The following RARS2 variants were observed in gnomAD, a reference collection of about 807,000 sequenced individuals.
RARS2 encodes probable arginine--tRNA ligase, mitochondrial.
Under a neutral mutation model 88.5 loss-of-function variants are expected in RARS2, and 67 were observed. The ratio of observed to expected loss-of-function variants is 0.76; its 90% CI spans 0.62 to 0.93. The LOEUF (loss-of-function observed/expected upper bound fraction) is 0.93. Ranked by LOEUF, RARS2 falls within the 40% of genes least tolerant of loss-of-function variation. The probability of loss-of-function intolerance (pLI) is 0.00; values close to 1 mark genes in which losing one functional copy is unlikely to be tolerated. For synonymous variants in RARS2, 239 were observed against 230.3 expected (o/e 1.04, Z -0.34); for missense variants, 664 against 684.2 (o/e 0.97, Z 0.33).
Position 87,564,181 on chromosome 6 carries a change from A to G in RARS2, c.162T>C (p.Asn54=), listed in dbSNP as rs766493153. ...LSVDSLLEKD[N]DHSRPDIQVQ... The stretch of plus-strand genomic sequence containing the variant: ...CTTGAATATCTGGTCTTGAATGGTC[A>G]TTGTCTTTTTCCAATAAAGAATCCA... The change falls in exon 3 of 20, where the codon AAT becomes AAC. Residue 54 remains asparagine (N), a synonymous_variant. Transcript: ENST00000369536. The G allele has an allele frequency of 1.2e-6, 2 of 1,613,854 alleles. No individual in the cohort carries two copies. Among genetic ancestry groups the G allele is most frequent in the South Asian group, 1.1e-5 (1 of 91,084 alleles).
Position 87,569,911 on chromosome 6 carries a change from T to C in RARS2, c.37-321A>G, listed in dbSNP as rs186592354. On this transcript the variant is annotated intron_variant, in intron 1 of 19. Transcript: ENST00000369536. ...CGTAAATTAAAAAAAAAAAAAAGTA[T>C]GGCAAGAGAGGAGATAAACCACTGA... Among the ~76,000 whole-genome samples, 369 of 149,164 alleles carry C rather than the reference T, an allele frequency of 2.5e-3. 1 individual carries two copies. The highest frequency in any genetic ancestry group is 8.8e-3 in the African/African-American group (357 of 40,612).
At chr6:87,579,914 T>C (rs1325232012) in intron 1 of RARS2, among the ~76,000 whole-genome samples, 1 of 151,840 alleles carries the variant, frequency 6.6e-6, no homozygotes, top group Non-Finnish European at 1.5e-5. Context: ...AGCTAATTTT[T>C]GTATTTTTAG....
rs1251882908 is a variant in RARS2, at chr6:87,524,551, A to G, written c.974+6T>C. 4.4e-6 allele frequency: 7 copies of G among 1,595,636 alleles called. No individual in the cohort carries two copies. In the African/African-American group the frequency reaches 6.7e-5, roughly 15 times the overall value. On this transcript the variant is annotated splice_donor_region_variant and intron_variant, in intron 11 of 19. Coordinates refer to ENST00000369536, the MANE Select transcript of RARS2 (RefSeq NM_020320.5). ...CCAAATGTTGACCCTCACAGAGGCT[A>G]CAAACCTGGTTGCATAGAGAGAAGT...
At chr6:87,515,235 G>T (rs1383616484) in intron 18 of RARS2, among the ~76,000 whole-genome samples, 2 of 152,182 alleles carry the variant, frequency 1.3e-5, no homozygotes, top group East Asian at 3.9e-4. Flanking sequence ...TTAAGATTAT[G>T]ATTTCGCAGG....
chr6:87,540,929 G>A (rs1780736800), intron 8 of RARS2, among the ~76,000 whole-genome samples: 2 of 151,972 alleles, frequency 1.3e-5, no homozygotes, highest in African/African-American at 4.8e-5. Flanking sequence ...TAGACATGCT[G>A]TCCCCCACAC....
chr6:87,522,069 G>A (rs1774048974), intron 11 of RARS2, among the ~76,000 whole-genome samples: 2 of 152,146 alleles, frequency 1.3e-5, no homozygotes, highest in Non-Finnish European at 1.5e-5. Flanking sequence ...GGCGGCTCAC[G>A]CCTGTAATCC....
In RARS2 at chr6:87,564,935, G is replaced by A. The variant is rs369081492; in HGVS notation, c.111-703C>T. ...TAGCCAGGCGTGGTGGCATGTGCCC[G>A]TAAGCCCAGCTACTCGGGAGGCTTA... On this transcript the variant is annotated intron_variant, in intron 2 of 19. Transcript: ENST00000369536. 2.6e-3 allele frequency among the ~76,000 whole-genome samples: 387 copies of A among 151,702 alleles called. 2 individuals carry two copies. Among genetic ancestry groups the A allele is most frequent in the African/African-American group, 8.8e-3 (363 of 41,354 alleles).
At chr6:87,557,011 A>G (rs1786165118) in intron 4 of RARS2, among the ~76,000 whole-genome samples, 1 of 151,860 alleles carries the variant, frequency 6.6e-6, no homozygotes, top group Non-Finnish European at 1.5e-5. Flanking sequence ...TTATTATTAA[A>G]GAGTTGGTTA....
intron 4 of RARS2, among the ~76,000 whole-genome samples, chr6:87,561,991 G>A (rs367733574): frequency 6.6e-6 from 1 of 152,106 alleles, no homozygotes; most frequent in Non-Finnish European, 1.5e-5. Flanking sequence ...TTGAGACAAG[G>A]TCTCGCTCTG....
intron 1 of RARS2, among the ~76,000 whole-genome samples, chr6:87,587,773 T>C (rs1416994619): frequency 1.3e-5 from 2 of 152,076 alleles, no homozygotes; most frequent in Non-Finnish European, 2.9e-5. Flanking sequence ...TTCTCCAACT[T>C]ATCTTTTTCT....
At chr6:87,576,585 T>A (rs947246942) in intron 1 of RARS2, among the ~76,000 whole-genome samples, 6 of 151,960 alleles carry the variant, frequency 3.9e-5, no homozygotes, top group African/African-American at 1.4e-4. Context: ...CAACACAAAT[T>A]TCAAGATAGA....
intron 14 of RARS2, chr6:87,519,281 G>T (rs1049181744): frequency 5.4e-6 from 2 of 368,646 alleles, no homozygotes; most frequent in Non-Finnish European, 1.0e-5. Context: ...CATAAGGACT[G>T]GTGACTTGTA....
rs1306973368 is a variant in RARS2 at position 87,580,981 on chromosome 6, A to G, written c.36+8941T>C. 5.3e-5 allele frequency among the ~76,000 whole-genome samples: 8 copies of G among 152,182 alleles called. No individual in the cohort carries two copies. In the South Asian group the frequency reaches 1.7e-3, roughly 31 times the overall value. Reference sequence around the variant, plus strand: ...GTATCAGAGATTCTAATATAATAGAATCTTTGGCTCCAGAGCATTCACTAG... The same window carrying G: ...GTATCAGAGATTCTAATATAATAGAGTCTTTGGCTCCAGAGCATTCACTAG... On this transcript the variant is annotated intron_variant, in intron 1 of 19. Transcript: ENST00000369536.
At chr6:87,518,977 G>C in intron 14 of RARS2, 86 bp from the exon 15 acceptor site, 1 of 1,260,896 alleles carries the variant, frequency 7.9e-7, no homozygotes, top group Non-Finnish European at 1.2e-6. Flanking sequence ...TGCCAAAAAT[G>C]TATGCTGACA....
At chr6:87,545,184 C>T (rs1309823219) in intron 7 of RARS2, among the ~76,000 whole-genome samples, 1 of 152,172 alleles carries the variant, frequency 6.6e-6, no homozygotes, top group African/African-American at 2.4e-5. Context: ...CCTGGGCTAA[C>T]ACGATCCTCT....
At chr6:87,560,682 C>T (rs13204861) in intron 4 of RARS2, among the ~76,000 whole-genome samples, 10,953 of 152,158 alleles carry the variant, frequency 0.072, 551 homozygotes, top group African/African-American at 0.15. Context: ...GTGGATTACC[C>T]GAGGCTGGGA....
intron 3 of RARS2, among the ~76,000 whole-genome samples, chr6:87,563,742 T>G (rs1315343554): frequency 6.6e-6 from 1 of 152,250 alleles, no homozygotes; most frequent in Non-Finnish European, 1.5e-5. Context: ...TATTTACATC[T>G]AATCATTTCT....
chr6:87,527,290 A>G (rs1776067314), intron 10 of RARS2, among the ~76,000 whole-genome samples: 1 of 152,120 alleles, frequency 6.6e-6, no homozygotes, highest in Non-Finnish European at 1.5e-5. Flanking sequence ...GCCTGGTGAT[A>G]CAGTGAGACC....
chr6:87,538,020 T>C (rs765310897), intron 8 of RARS2, among the ~76,000 whole-genome samples: 26 of 152,360 alleles, frequency 1.7e-4, no homozygotes, highest in Admixed American at 1.4e-3. Flanking sequence ...CATCAACATT[T>C]GCTTAAAGCT....
Sources: gnomAD v4.1 joint callset for allele counts (sites outside exome capture counted in the v4.1 genomes callset) on GRCh38, gnomAD v4.1.1 for gene constraint, MANE v1.5 for transcripts, NCBI Gene and HGNC (gene_info 2026-07-23, HGNC 2026-07-21) for gene names.